ERN1: variants seen among roughly 807,000 people sequenced by gnomAD.
ERN1 encodes the protein serine/threonine-protein kinase/endoribonuclease IRE1.
Under a neutral mutation model 113.1 loss-of-function variants are expected in ERN1, and 39 were observed. The ratio of observed to expected loss-of-function variants is 0.34; its 90% CI spans 0.27 to 0.45. ERN1 has a LOEUF of 0.45. Among genes scored for constraint, ERN1 ranks in the 20% least tolerant of loss-of-function variants. The probability of loss-of-function intolerance (pLI) is 1.00; values close to 1 mark genes in which losing one functional copy is unlikely to be tolerated. For missense variants in ERN1, 976 were observed against 1,274.8 expected, an observed-to-expected ratio of 0.77 and a Z score of 3.57; for synonymous variants, 507 against 515.9, an observed-to-expected ratio of 0.98 and a Z score of 0.23.
In ERN1 at chr17:64,044,227, ATTAGAAAGGGG is replaced by A; in HGVS notation, c.2722-38_2722-28del. ...TGCAAAGAGTTAGAAAGCTCGGGAG[ATTAGAAAGGGG>A]TTAGAAAGCTCGGGAAATGTTGGCA... On this transcript the variant is annotated intron_variant, in intron 21 of 21. Transcript: ENST00000433197. This position sits in a 1 kb window ranked among gnomAD's most constrained non-coding sequence, Gnocchi z 4.1. The A allele has an allele frequency of 6.9e-7, 1 of 1,459,538 alleles. No homozygotes were observed. Among genetic ancestry groups the A allele is most frequent in the South Asian group, 1.5e-5 (1 of 68,794 alleles). The allele number at this position is 1,459,538 out of a possible 1,614,324, so 90.4% of individuals were successfully genotyped here. A position where few individuals can be genotyped will look rare whatever the true frequency, so the allele number is the denominator to read the frequency against.
At chr17:64,095,802 G>A (rs1038635408) in intron 2 of ERN1, among the ~76,000 whole-genome samples, 3 of 152,218 alleles carry the variant, frequency 2.0e-5, no homozygotes, top group East Asian at 1.9e-4. Context: ...CCTGCTAAAC[G>A]GGATAAGCTC....
At chr17:64,068,748 C>T (rs1274211387) in intron 6 of ERN1, among the ~76,000 whole-genome samples, 1 of 152,136 alleles carries the variant, frequency 6.6e-6, no homozygotes, top group Non-Finnish European at 1.5e-5. Context: ...CTTGCTAGTG[C>T]AGAGGGGGCA....
chr17:64,089,502 A>AATAT (rs770780748), intron 2 of ERN1, among the ~76,000 whole-genome samples: 1 of 152,056 alleles, frequency 6.6e-6, no homozygotes, highest in Non-Finnish European at 1.5e-5. Flanking sequence ...TCAACTGGTA[A>AATAT]ATATAATGCA....
At chr17:64,089,273 C>A (rs935173046) in intron 2 of ERN1, among the ~76,000 whole-genome samples, 1 of 132,762 alleles carries the variant, frequency 7.5e-6, no homozygotes, top group Non-Finnish European at 1.5e-5. Context: ...GAGCCGAGAT[C>A]GTGCCACTGC....
chr17:64,082,704 T>C (rs1474600458), intron 2 of ERN1, among the ~76,000 whole-genome samples: 1 of 152,244 alleles, frequency 6.6e-6, no homozygotes, highest in East Asian at 1.9e-4. Context: ...CCTGGTTTTC[T>C]ATAGCTTATC....
Position 64,057,985 on chromosome 17 carries a change from G to A in ERN1, c.1215C>T (p.Asn405=), listed in dbSNP as rs1261005157. ...SEKKSFEEVI[N]LVDQTSENAP... is the part of the protein sequence containing the mutation. ...CGTTTTCTGAAGTCTGGTCAACCAG[G>A]TTGATAACCTTGCATGGGAGAGAGT... Residue 405 remains asparagine, a synonymous_variant, in exon 12 of 22, where the codon AAC becomes AAT. Coordinates refer to ENST00000433197, the MANE Select transcript of ERN1 (RefSeq NM_001433.5). 1 of 1,563,772 alleles carries A rather than the reference G, an allele frequency of 6.4e-7. No homozygotes were observed. The highest frequency in any genetic ancestry group is 1.4e-5 in the African/African-American group (1 of 73,932).
chr17:64,054,115 T>A lies in ERN1; in HGVS notation c.1953+135A>T, dbSNP rs1437105705. On this transcript the variant is annotated intron_variant, in intron 15 of 21. Transcript: ENST00000433197. The surrounding 1 kb of genome is among the most constrained non-coding windows in gnomAD (Gnocchi z 4.9). ...TCGCTAGGCCTGGCTAATTTTTGGT[T>A]TCTTTGTAGAGATGGGGTTTCACCA... 1.3e-6 allele frequency: 1 copy of A among 795,186 alleles called. No homozygotes were observed. Among genetic ancestry groups the A allele is most frequent in the Admixed American group, 2.9e-5 (1 of 34,138 alleles). The allele number at this position is 795,186 out of a possible 1,614,324, so 49.3% of individuals were successfully genotyped here.
chr17:64,118,796 G>A (rs561999735), intron 1 of ERN1, among the ~76,000 whole-genome samples: 4 of 152,122 alleles, frequency 2.6e-5, no homozygotes, highest in Non-Finnish European at 5.9e-5. Flanking sequence ...AAAACCCTTC[G>A]AGGGAACTCT....
Position 64,057,782 on chromosome 17 carries a change from G to A in ERN1, c.1398+20C>T, listed in dbSNP as rs1912919671. 2.5e-6 allele frequency: 4 copies of A among 1,610,902 alleles called. No homozygotes were observed. The East Asian group carries it at 8.9e-5, about 36-fold the overall frequency. On this transcript the variant is annotated intron_variant, in intron 12 of 21. Coordinates refer to ENST00000433197, the MANE Select transcript of ERN1 (RefSeq NM_001433.5). Reference sequence around the variant, plus strand: ...GCCCCAGAAATAGGTGGATGGCAAAGGGGAATTGTTGAGCTTTACCAGGGG... The same window carrying A: ...GCCCCAGAAATAGGTGGATGGCAAAAGGGAATTGTTGAGCTTTACCAGGGG...
Position 64,117,169 on chromosome 17 carries a change from G to A in ERN1, c.54+12807C>T, listed in dbSNP as rs146703523. ...AAAAAAATCAACAATGTGGCCAGGC[G>A]CAGTGGCTCATGCCTGTAACCCCAG... On this transcript the variant is annotated intron_variant, in intron 1 of 21. Coordinates refer to ENST00000433197, the MANE Select transcript of ERN1 (RefSeq NM_001433.5). Among the ~76,000 whole-genome samples, 563 of 151,874 alleles carry A rather than the reference G, an allele frequency of 3.7e-3. 9 individuals carry two copies. The highest frequency in any genetic ancestry group is 0.013 in the African/African-American group (529 of 41,412).
At chr17:64,098,338 A>C in intron 1 of ERN1, 97 bp from the exon 2 acceptor site, 2 of 1,442,392 alleles carry the variant, frequency 1.4e-6, no homozygotes, top group Non-Finnish European at 1.9e-6. Flanking sequence ...ATCCTACTAA[A>C]ACCCTCCATT....
rs751951894 is a variant in ERN1, at chr17:64,077,511, A to G, written c.282+2151T>C. Among the ~76,000 whole-genome samples, 4 of 151,908 alleles carry G rather than the reference A, an allele frequency of 2.6e-5. No individual in the cohort carries two copies. In the East Asian group the frequency reaches 5.8e-4, roughly 22 times the overall value. ...TCGTTTTTCCTGTTTTTGGCTTTAC[A>G]TAAGTGAATGGCAGCGTGTGGCCTT... On this transcript the variant is annotated intron_variant, in intron 4 of 21. Coordinates refer to ENST00000433197, the MANE Select transcript of ERN1 (RefSeq NM_001433.5).
At chr17:64,066,159 GTAAC>G (rs1203566517) in intron 8 of ERN1, among the ~76,000 whole-genome samples, 2 of 152,050 alleles carry the variant, frequency 1.3e-5, no homozygotes, top group Admixed American at 6.5e-5. Flanking sequence ...CACACACACT[GTAAC>G]TATTTTTTCT....
At chr17:64,050,512 T>C (rs987291792) in intron 17 of ERN1, among the ~76,000 whole-genome samples, 5 of 152,158 alleles carry the variant, frequency 3.3e-5, no homozygotes, top group Admixed American at 3.3e-4. Context: ...GGAAAGGGAA[T>C]GGTTACAAGA....
intron 12 of ERN1, among the ~76,000 whole-genome samples, chr17:64,056,637 C>A (rs1449572995): frequency 6.6e-6 from 1 of 152,208 alleles, no homozygotes; most frequent in Non-Finnish European, 1.5e-5. Flanking sequence ...ATCATCCCTA[C>A]CCATGTGCAG....
chr17:64,129,634 G>C (rs558209801), intron 1 of ERN1: 7 of 368,988 alleles, frequency 1.9e-5, no homozygotes, highest in Admixed American at 4.6e-5. Flanking sequence ...GCCTCCTCAG[G>C]CCGGGGCCTT....
intron 4 of ERN1, among the ~76,000 whole-genome samples, chr17:64,078,850 C>A (rs1352391510): frequency 6.6e-6 from 1 of 151,982 alleles, no homozygotes; most frequent in Non-Finnish European, 1.5e-5. Flanking sequence ...ACCAAAAATA[C>A]AAAAAATTAG....
At chr17:64,111,542 A>G (rs1386031849) in intron 1 of ERN1, among the ~76,000 whole-genome samples, 5 of 152,110 alleles carry the variant, frequency 3.3e-5, no homozygotes, top group Non-Finnish European at 7.4e-5. Flanking sequence ...TTTTTAGTAG[A>G]AACGAGGTTT....
Position 64,049,001 on chromosome 17 carries a change from GC to G in ERN1, c.2401+53del. ...GGTGGCACCAGCCCAGCTCTGCAGG[GC>G]CACCTGAGGCAGCTGAGGAGCTGCT... On this transcript the variant is annotated intron_variant, in intron 18 of 21. Coordinates refer to ENST00000433197, the MANE Select transcript of ERN1 (RefSeq NM_001433.5). This position sits in a 1 kb window ranked among gnomAD's most constrained non-coding sequence, Gnocchi z 4.7. 6.7e-7 allele frequency: 1 copy of G among 1,485,222 alleles called. No homozygotes were observed. Among genetic ancestry groups the G allele is most frequent in the Non-Finnish European group, 9.0e-7 (1 of 1,106,888 alleles). 92.0% of individuals were successfully genotyped at this position (1,485,222 alleles called of 1,614,324 possible).
Sources: allele counts gnomAD v4.1 joint callset (sites outside exome capture counted in the v4.1 genomes callset), GRCh38; gene constraint gnomAD v4.1.1; non-coding constraint Gnocchi (gnomAD v3.1); transcripts MANE v1.5; gene names NCBI Gene and HGNC (gene_info 2026-07-23, HGNC 2026-07-21).